KATNIP: variants seen among roughly 807,000 people sequenced by gnomAD.
The protein encoded by KATNIP is katanin-interacting protein.
Under a neutral mutation model 174.0 loss-of-function variants are expected in KATNIP, and 126 were observed. That is an observed-to-expected ratio of 0.72 (90% CI 0.63 to 0.84). KATNIP has a LOEUF of 0.84. KATNIP is among the 40% of genes least tolerant of loss of function. The pLI is 0.00. For synonymous variants in KATNIP, 810 were observed against 835.7 expected (o/e 0.97, Z 0.53); for missense variants, 1,958 against 2,109.7 (o/e 0.93, Z 1.41).
At position 27,739,973 on chromosome 16, in the gene KATNIP, G is replaced by T. The variant is rs898455886; in HGVS notation, c.1744-68G>T. ...TTTCTTTTCTTTTTTTGGTATCTTC[G>T]ACTTCCAAAATTTCATACATCAGTC... On this transcript the variant is annotated intron_variant, in intron 14 of 27. Transcript: ENST00000261588. The T allele has an allele frequency of 4.0e-6, 6 of 1,496,246 alleles. No homozygotes were observed. In the African/African-American group the frequency reaches 4.2e-5, roughly 11 times the overall value. 92.7% of individuals were successfully genotyped at this position (1,496,246 alleles called of 1,614,324 possible).
At chr16:27,749,537 C>T (rs768489578) in intron 15 of KATNIP, 47 bp from the exon 16 acceptor site, 2 of 1,511,688 alleles carry the variant, frequency 1.3e-6, no homozygotes, top group South Asian at 1.3e-5. Flanking sequence ...CCCACTTCCA[C>T]ACATGCCACT....
intron 2 of KATNIP, among the ~76,000 whole-genome samples, chr16:27,574,955 T>G (rs1453918942): frequency 6.6e-6 from 1 of 151,416 alleles, no homozygotes; most frequent in Admixed American, 6.6e-5. Flanking sequence ...GTGGCCATTC[T>G]TGAAATCCGC....
At chr16:27,773,694 TGAAA>T (rs2082391096) in intron 23 of KATNIP, among the ~76,000 whole-genome samples, 1 of 152,180 alleles carries the variant, frequency 6.6e-6, no homozygotes, top group East Asian at 1.9e-4. Flanking sequence ...AGGTTTCACA[TGAAA>T]ACCCTGATCT....
chr16:27,745,916 C>G (rs2081276145), intron 15 of KATNIP, among the ~76,000 whole-genome samples: 1 of 150,224 alleles, frequency 6.7e-6, no homozygotes, highest in Non-Finnish European at 1.5e-5. Flanking sequence ...CCAGCCAGCT[C>G]TCATGTCAAA....
intron 2 of KATNIP, among the ~76,000 whole-genome samples, chr16:27,600,281 TCG>T (rs1188294302): frequency 6.6e-6 from 1 of 152,226 alleles, no homozygotes; most frequent in African/African-American, 2.4e-5. Context: ...GCATTTGCTG[TCG>T]CCTTTAAATT....
At chr16:27,695,372 A>G (rs2078878517) in intron 8 of KATNIP, among the ~76,000 whole-genome samples, 1 of 151,326 alleles carries the variant, frequency 6.6e-6, no homozygotes, top group South Asian at 2.1e-4. Flanking sequence ...GTCAACCTAT[A>G]CCCCTGCTGG....
intron 20 of KATNIP, among the ~76,000 whole-genome samples, chr16:27,769,135 T>C (rs2082216186): frequency 6.6e-6 from 1 of 152,188 alleles, no homozygotes; most frequent in Admixed American, 6.5e-5. Context: ...TCCACGTGAA[T>C]CCTGCAAGCT....
intron 2 of KATNIP, among the ~76,000 whole-genome samples, chr16:27,582,747 A>T (rs1287743027): frequency 6.6e-6 from 1 of 152,180 alleles, no homozygotes; most frequent in African/African-American, 2.4e-5. Context: ...TGCATTTCAC[A>T]GGACTGTGGC....
chr16:27,756,965 C>T (rs943895000), intron 18 of KATNIP, among the ~76,000 whole-genome samples: 1 of 152,206 alleles, frequency 6.6e-6, no homozygotes, highest in African/African-American at 2.4e-5. Flanking sequence ...CCAGCAGTCC[C>T]AGATGAAAGA....
chr16:27,594,238 T>C (rs142787914), intron 2 of KATNIP, among the ~76,000 whole-genome samples: 2,289 of 152,056 alleles, frequency 0.015, 20 homozygotes, highest in Middle Eastern at 0.051. Context: ...CCAGCCTGGG[T>C]GACAGAGTGA....
At chr16:27,688,448 G>A (rs1025855695) in intron 8 of KATNIP, among the ~76,000 whole-genome samples, 3 of 152,120 alleles carry the variant, frequency 2.0e-5, no homozygotes, top group Non-Finnish European at 4.4e-5. Flanking sequence ...CAAGTTAGCC[G>A]GACATGGTGG....
intron 2 of KATNIP, among the ~76,000 whole-genome samples, chr16:27,596,442 T>C (rs1041217393): frequency 6.6e-6 from 1 of 152,040 alleles, no homozygotes; most frequent in African/African-American, 2.4e-5. Flanking sequence ...GCTTAAAACC[T>C]AGGAAGACCC....
intron 13 of KATNIP, among the ~76,000 whole-genome samples, chr16:27,711,164 G>T (rs1191145487): frequency 6.6e-6 from 1 of 152,224 alleles, no homozygotes; most frequent in Non-Finnish European, 1.5e-5. Flanking sequence ...TTGGGGGAAA[G>T]TTGGGGTTTT....
In KATNIP at chr16:27,576,518, A is replaced by G. The variant is rs146258475; in HGVS notation, c.63+2562A>G. On this transcript the variant is annotated intron_variant, in intron 2 of 27. Transcript: ENST00000261588. ...AGGCTTGGCGAAGTGGCTCCTGCCT[A>G]TAATCCCAGCACTTTAGAAGGCCAA... is the stretch of plus-strand genomic sequence containing the variant. Among the ~76,000 whole-genome samples, 129 of 152,274 alleles carry G rather than the reference A, an allele frequency of 8.5e-4. 1 individual carries two copies. Among genetic ancestry groups the G allele is most frequent in the Non-Finnish European group, 1.7e-3 (113 of 68,010 alleles).
intron 1 of KATNIP, among the ~76,000 whole-genome samples, chr16:27,569,668 T>C (rs544519924): frequency 8.5e-5 from 13 of 152,352 alleles, no homozygotes; most frequent in African/African-American, 2.9e-4. Flanking sequence ...GTTACAGCAC[T>C]TCCATCCTTG....
chr16:27,622,554 C>T (rs1445564145), intron 3 of KATNIP, among the ~76,000 whole-genome samples: 1 of 152,170 alleles, frequency 6.6e-6, no homozygotes, highest in East Asian at 1.9e-4. Context: ...CAGAGAGGGG[C>T]TGTAATATAC....
rs1417370155 is a variant in KATNIP, at chr16:27,586,090, G to A, written c.63+12134G>A. 2.6e-5 allele frequency among the ~76,000 whole-genome samples: 4 copies of A among 152,110 alleles called. No individual in the cohort carries two copies. In the East Asian group the frequency reaches 5.8e-4, roughly 22 times the overall value. ...ACTCCAGCCTGGGCGATAAGAGGGA[G>A]ACTCTGTCTCAAAAAAATAATAATA... is the stretch of plus-strand genomic sequence containing the variant. On this transcript the variant is annotated intron_variant, in intron 2 of 27. Transcript: ENST00000261588.
intron 15 of KATNIP, among the ~76,000 whole-genome samples, chr16:27,746,963 A>C (rs1463785087): frequency 6.6e-6 from 1 of 152,196 alleles, no homozygotes; most frequent in Non-Finnish European, 1.5e-5. Flanking sequence ...GAAGTGACAG[A>C]GTGGACATGT....
intron 2 of KATNIP, among the ~76,000 whole-genome samples, chr16:27,611,778 A>G (rs546306541): frequency 8.5e-5 from 13 of 152,352 alleles, no homozygotes; most frequent in African/African-American, 3.1e-4. Flanking sequence ...GCTCACACCC[A>G]CACCTCCAAA....
Sources: allele counts gnomAD v4.1 joint callset (sites outside exome capture counted in the v4.1 genomes callset), GRCh38; gene constraint gnomAD v4.1.1; transcripts MANE v1.5; gene names NCBI Gene and HGNC (gene_info 2026-07-23, HGNC 2026-07-21).